BLTP3B: variants seen among roughly 807,000 people sequenced by gnomAD.
BLTP3B encodes UHRF1 (ICBP90) binding protein 1-like.
the BLTP3B span, among the ~76,000 whole-genome samples, chr12:100,040,300 C>A: frequency 6.6e-6 from 1 of 151,728 alleles, no homozygotes. Flanking sequence ...GGAGGCCTAG[C>A]TGGGAGAACT....
the BLTP3B span, among the ~76,000 whole-genome samples, chr12:100,142,345 C>T: frequency 6.6e-6 from 1 of 152,150 alleles, no homozygotes; most frequent in African/African-American, 2.4e-5. Context: ...CCGCGCTCCG[C>T]ACTCCGGGCT....
chr12:100,068,379 T>C, the BLTP3B span, among the ~76,000 whole-genome samples: 3 of 152,202 alleles, frequency 2.0e-5, no homozygotes, highest in Admixed American at 2.0e-4. Flanking sequence ...ATCTAAGCCC[T>C]GAAACTATAA....
At chr12:100,137,846 A>AAGCT in the BLTP3B span, among the ~76,000 whole-genome samples, 1 of 152,234 alleles carries the variant, frequency 6.6e-6, no homozygotes, top group African/African-American at 2.4e-5. Flanking sequence ...CAGATGACTA[A>AAGCT]TGGAGCAACA....
the BLTP3B span, among the ~76,000 whole-genome samples, chr12:100,115,578 T>C: frequency 2.6e-5 from 4 of 152,248 alleles, no homozygotes; most frequent in Admixed American, 1.3e-4. Flanking sequence ...CAGGCAAGCC[T>C]GGGCAACATA....
chr12:100,062,249 C>A, the BLTP3B span, among the ~76,000 whole-genome samples: 18 of 152,320 alleles, frequency 1.2e-4, no homozygotes, highest in East Asian at 2.5e-3. Flanking sequence ...AATATACTTA[C>A]GTTTGAGCAG....
the BLTP3B span, among the ~76,000 whole-genome samples, chr12:100,053,142 C>T: frequency 6.6e-6 from 1 of 151,904 alleles, no homozygotes; most frequent in South Asian, 2.1e-4. Context: ...CAGTGGCTCA[C>T]ACCTATAATC....
the BLTP3B span, among the ~76,000 whole-genome samples, chr12:100,103,332 G>A: frequency 6.6e-6 from 1 of 152,036 alleles, no homozygotes; most frequent in African/African-American, 2.4e-5. Flanking sequence ...AATGGAAAAG[G>A]TTCTTTCTCA....
the BLTP3B span, among the ~76,000 whole-genome samples, chr12:100,109,159 C>CCT: frequency 9.5e-3 from 617 of 65,268 alleles, 1 homozygote; most frequent in East Asian, 0.03. Context: ...TGGCAGTTTT[C>CCT]CTCTCTCTCT....
the BLTP3B span, among the ~76,000 whole-genome samples, chr12:100,100,988 CTTA>C: frequency 6.6e-6 from 1 of 152,116 alleles, no homozygotes; most frequent in Non-Finnish European, 1.5e-5. Context: ...AATTATAAAG[CTTA>C]TGATACTATA....
the BLTP3B span, among the ~76,000 whole-genome samples, chr12:100,082,103 TGA>T: frequency 6.6e-6 from 1 of 152,226 alleles, no homozygotes; most frequent in South Asian, 2.1e-4. Flanking sequence ...ACAGCCATTC[TGA>T]GTGGGGTGAG....
the BLTP3B span, among the ~76,000 whole-genome samples, chr12:100,113,676 G>C: frequency 6.6e-6 from 1 of 151,744 alleles, no homozygotes; most frequent in Non-Finnish European, 1.5e-5. Context: ...CTAAGATATA[G>C]GCCAGACAGG....
the BLTP3B span, chr12:100,103,888 T>C: frequency 6.3e-7 from 1 of 1,579,872 alleles, no homozygotes; most frequent in East Asian, 2.3e-5. Flanking sequence ...TAAATGTTTA[T>C]TTCTAAAGTG....
chr12:100,085,740 G>A, the BLTP3B span, among the ~76,000 whole-genome samples: 2 of 151,982 alleles, frequency 1.3e-5, no homozygotes, highest in African/African-American at 4.8e-5. Flanking sequence ...AATTAATTTG[G>A]TCACAATAAT....
chr12:100,108,572 T>C, the BLTP3B span: 1 of 1,576,530 alleles, frequency 6.3e-7, no homozygotes, highest in Non-Finnish European at 8.6e-7. Flanking sequence ...CACATTGACA[T>C]TTATTTATGT....
chr12:100,095,436 TTA>T, the BLTP3B span, among the ~76,000 whole-genome samples: 1 of 152,212 alleles, frequency 6.6e-6, no homozygotes, highest in Admixed American at 6.5e-5. Context: ...TCGAATACTT[TTA>T]TGTCATCATT....
At chr12:100,046,550 G>A in the BLTP3B span, among the ~76,000 whole-genome samples, 1 of 150,044 alleles carries the variant, frequency 6.7e-6, no homozygotes, top group African/African-American at 2.5e-5. Flanking sequence ...CACAGTGAGG[G>A]GAACATCATA....
the BLTP3B span, chr12:100,084,707 TTATTA>T: frequency 1.9e-6 from 3 of 1,542,436 alleles, no homozygotes; most frequent in South Asian, 3.6e-5. Flanking sequence ...CAACTTTCAT[TTATTA>T]TATTATAGTA....
the BLTP3B span, among the ~76,000 whole-genome samples, chr12:100,120,365 T>G: frequency 6.6e-6 from 1 of 151,694 alleles, no homozygotes; most frequent in Non-Finnish European, 1.5e-5. Flanking sequence ...AGAGCAAGAT[T>G]CCATCTCAAA....
At chr12:100,124,970 A>ATATATATATATG in the BLTP3B span, among the ~76,000 whole-genome samples, 2 of 101,080 alleles carry the variant, frequency 2.0e-5, no homozygotes, top group Non-Finnish European at 3.6e-5. Flanking sequence ...ATATATATAT[A>ATATATATATATG]TATATATATT....
Sources: allele counts gnomAD v4.1 joint callset (sites outside exome capture counted in the v4.1 genomes callset), GRCh38; gene constraint gnomAD v4.1.1; transcripts MANE v1.5; gene names NCBI Gene and HGNC (gene_info 2026-07-23, HGNC 2026-07-21).